LTF: variants seen among roughly 807,000 people sequenced by gnomAD.
LTF encodes the protein epididymis luminal protein 110.
Under a neutral mutation model 87.2 loss-of-function variants are expected in LTF, and 91 were observed. That is an observed-to-expected ratio of 1.04 (90% confidence interval 0.88 to 1.24). The LOEUF is 1.24. LTF is among the 50% of genes most tolerant of loss of function. The pLI, the probability that LTF is intolerant of heterozygous loss-of-function variation, is 0.00. For synonymous variants in LTF, 378 were observed against 356.1 expected, an observed-to-expected ratio of 1.06 and a Z score of -0.69; for missense variants, 901 against 904.3, an observed-to-expected ratio of 1.00 and a Z score of 0.05.
chr3:46,482,779 AAAAG>A (rs1201431682), intron 1 of LTF, among the ~76,000 whole-genome samples: 63 of 137,146 alleles, frequency 4.6e-4, no homozygotes, highest in Middle Eastern at 3.7e-3. Flanking sequence ...GAAAGAAAGA[AAAAG>A]AAAGAAAGAA....
chr3:46,477,567 C>A (rs1390751821), intron 1 of LTF, among the ~76,000 whole-genome samples: 1 of 152,204 alleles, frequency 6.6e-6, no homozygotes, highest in Non-Finnish European at 1.5e-5. Context: ...GCTTCAGTGT[C>A]CCCATGTGAA....
chr3:46,449,505 C>G (rs1019758014), intron 8 of LTF, among the ~76,000 whole-genome samples: 2 of 152,208 alleles, frequency 1.3e-5, no homozygotes, highest in Non-Finnish European at 2.9e-5. Flanking sequence ...CATGGTGTCC[C>G]CAACTAAGTT....
Position 46,459,718 on chromosome 3 carries a change from G to A in LTF, c.145C>T (p.Arg49Cys), listed in dbSNP as rs776865450. 54 of 1,579,214 alleles carry A rather than the reference G, an allele frequency of 3.4e-5. No homozygotes were observed. The highest frequency in any genetic ancestry group is 7.0e-5 in the African/African-American group (5 of 71,926). The change falls in exon 2 of 17, where the codon CGT becomes TGT. Residue 49 changes from arginine (R) to cysteine (C), a missense_variant. Arg to Cys is a radical substitution (Grantham distance 180, BLOSUM62 -3). Coordinates refer to ENST00000231751, the MANE Select transcript of LTF (RefSeq NM_002343.6). ...TTTATGCAGCTGACAGGAGGGCCAC[G>A]CACTTTTCTCATATTCCTTTGCCAT... Reference protein sequence around the residue: ...FQWQRNMRKVRGPPVSCIKRD... With the variant: ...FQWQRNMRKVCGPPVSCIKRD...
chr3:46,471,569 G>A (rs1416717125), intron 1 of LTF, among the ~76,000 whole-genome samples: 2 of 152,208 alleles, frequency 1.3e-5, no homozygotes, highest in Admixed American at 6.5e-5. Context: ...CCTCAGGGCT[G>A]TTGACCAGGT....
rs2230894 is a variant in LTF, at chr3:46,448,983, G to T, written c.1092C>A (p.Val364=). ...EEEVAARRAR[V]VWCAVGEQEL... Reference sequence around the variant, plus strand: ...CCTGCTCGCCCACCGCACACCACACGACCCGCGCACGCCGGGCAGCCACTT... The same window carrying T: ...CCTGCTCGCCCACCGCACACCACACTACCCGCGCACGCCGGGCAGCCACTT... The change falls in exon 9 of 17, where the codon GTC becomes GTA. Residue 364 remains valine, a synonymous_variant. Coordinates refer to ENST00000231751, the MANE Select transcript of LTF (RefSeq NM_002343.6). 1.2e-6 allele frequency: 2 copies of T among 1,611,974 alleles called. No homozygotes were observed. The highest frequency in any genetic ancestry group is 8.5e-7 in the Non-Finnish European group (1 of 1,179,314).
intron 1 of LTF, chr3:46,470,489 A>T (rs1207270011): frequency 1.3e-5 from 2 of 152,288 alleles, no homozygotes; most frequent in Non-Finnish European, 2.9e-5. Flanking sequence ...GATCAGCTGG[A>T]TCCTTCACTC....
intron 1 of LTF, among the ~76,000 whole-genome samples, chr3:46,477,387 A>G (rs1253482424): frequency 6.6e-6 from 1 of 152,206 alleles, no homozygotes; most frequent in African/African-American, 2.4e-5. Context: ...TCCCAAGGCC[A>G]CACCTGCATT....
At chr3:46,463,518 G>T in intron 1 of LTF, 1 of 985,548 alleles carries the variant, frequency 1.0e-6, no homozygotes, top group Non-Finnish European at 1.2e-6. Context: ...CCTTTCCTCA[G>T]GAAGGACAAG....
chr3:46,478,658 G>C (rs989587093), intron 1 of LTF, among the ~76,000 whole-genome samples: 2 of 152,214 alleles, frequency 1.3e-5, no homozygotes, highest in African/African-American at 4.8e-5. Flanking sequence ...CTGGCAGAAT[G>C]AGGAACTAGT....
At chr3:46,463,379 G>T in intron 1 of LTF, 1 of 850,900 alleles carries the variant, frequency 1.2e-6, no homozygotes, top group Non-Finnish European at 1.4e-6. Context: ...CATGGCTCCA[G>T]GGCTAAGCAG....
Position 46,454,293 on chromosome 3 carries a change from C to T in LTF, c.703+12G>A, listed in dbSNP as rs747646670. 3 of 1,613,638 alleles carry T rather than the reference C, an allele frequency of 1.9e-6. No homozygotes were observed. In the Admixed American group the frequency reaches 5.0e-5, roughly 27 times the overall value. On this transcript the variant is annotated intron_variant, in intron 6 of 16. Coordinates refer to ENST00000231751, the MANE Select transcript of LTF (RefSeq NM_002343.6). ...AGGGGTCAGTACCCACGGCTCATTA[C>T]CCTGCTCTTACCAAACACTGTGCTC...
chr3:46,448,992 A>G lies in LTF; in HGVS notation c.1083T>C (p.Arg361=), dbSNP rs1575312794. Reference sequence around the variant, plus strand: ...CCACCGCACACCACACGACCCGCGCACGCCGGGCAGCCACTTCCTCCTCAC... The same window carrying G: ...CCACCGCACACCACACGACCCGCGCGCGCCGGGCAGCCACTTCCTCCTCAC... ...RKSEEEVAAR[R]ARVVWCAVGE... is the part of the protein sequence containing the mutation. Residue 361 remains arginine (R), a synonymous_variant, in exon 9 of 17, where the codon CGT becomes CGC. Coordinates refer to ENST00000231751, the MANE Select transcript of LTF (RefSeq NM_002343.6). The G allele has an allele frequency of 6.2e-7, 1 of 1,610,474 alleles. No homozygotes were observed. The highest frequency in any genetic ancestry group is 8.5e-7 in the Non-Finnish European group (1 of 1,178,662).
rs553025524 is a variant in LTF, at chr3:46,459,745, G to A, written c.118C>T (p.Gln40Ter). The change falls in exon 2 of 17, where the codon CAA becomes TAA. Residue 40 changes from glutamine (Q) to a stop codon, truncating the protein, a stop_gained. Coordinates refer to ENST00000231751, the MANE Select transcript of LTF (RefSeq NM_002343.6). LOFTEE classifies it high-confidence loss of function. ...ACTTTTCTCATATTCCTTTGCCATTGGAAGCATTTTGTGGCCTCGGGTTGG... is the reference window on the plus strand; with the variant it reads ...ACTTTTCTCATATTCCTTTGCCATTAGAAGCATTTTGTGGCCTCGGGTTGG... ...VSQPEATKCF[Q>*]WQRNMRKVRG... 3.2e-6 allele frequency: 5 copies of A among 1,583,512 alleles called. No homozygotes were observed. In the African/African-American group the frequency reaches 4.2e-5, roughly 13 times the overall value.
chr3:46,462,868 A>ACCCGGCTTG (rs368154104), intron 1 of LTF, among the ~76,000 whole-genome samples: 18,413 of 151,910 alleles, frequency 0.12, 1,335 homozygotes, highest in Admixed American at 0.21. Context: ...GGAGAGAGTA[A>ACCCGGCTTG]AATGGAAGAC....
intron 9 of LTF, among the ~76,000 whole-genome samples, chr3:46,447,780 A>G (rs1433667174): frequency 6.6e-6 from 1 of 152,186 alleles, no homozygotes; most frequent in Non-Finnish European, 1.5e-5. Context: ...TCCAAGCGCT[A>G]CACAGAAGTT....
In LTF at chr3:46,463,694, G is replaced by A. The variant is rs1006033544; in HGVS notation, c.43+1131C>T. 5 of 979,266 alleles carry A rather than the reference G, an allele frequency of 5.1e-6. No individual in the cohort carries two copies. In the African/African-American group the frequency reaches 7.0e-5, roughly 14 times the overall value. 60.7% of individuals were successfully genotyped at this position (979,266 alleles called of 1,614,324 possible). On this transcript the variant is annotated intron_variant, in intron 1 of 16. Coordinates refer to ENST00000231751, the MANE Select transcript of LTF (RefSeq NM_002343.6). The stretch of plus-strand genomic sequence containing the variant: ...GACCACAGCCCATGACCACTTCCAG[G>A]AAGGCAAGGCTTCCTTCCTCTCCTG...
At chr3:46,477,184 T>C (rs1703369947) in intron 1 of LTF, among the ~76,000 whole-genome samples, 1 of 152,264 alleles carries the variant, frequency 6.6e-6, no homozygotes, top group Non-Finnish European at 1.5e-5. Flanking sequence ...TCTTTTTCAT[T>C]TCAGCCACTC....
chr3:46,442,498 G>GAAA (rs533327223), intron 13 of LTF, among the ~76,000 whole-genome samples: 2 of 137,862 alleles, frequency 1.5e-5, no homozygotes, highest in Non-Finnish European at 1.6e-5. Flanking sequence ...CTGCAGGTCT[G>GAAA]AAAAAAAAAA....
In LTF at chr3:46,478,500, A is replaced by T. The variant is rs551398991; in HGVS notation, c.-320+6486T>A. On this transcript the variant is annotated intron_variant, in intron 1 of 19. Transcript: ENST00000443496. Reference sequence around the variant, plus strand: ...GCAGGGTCCCTAGAGAGTGCCAGGGACCAAAGGGTGAGGCCAGGTCCACCC... The same window carrying T: ...GCAGGGTCCCTAGAGAGTGCCAGGGTCCAAAGGGTGAGGCCAGGTCCACCC... 5.9e-5 allele frequency among the ~76,000 whole-genome samples: 9 copies of T among 152,290 alleles called. No homozygotes were observed. The South Asian group carries it at 1.5e-3, about 25-fold the overall frequency.
Sources: gnomAD v4.1 joint callset for allele counts (sites outside exome capture counted in the v4.1 genomes callset) on GRCh38, gnomAD v4.1.1 for gene constraint, MANE v1.5 for transcripts, NCBI Gene and HGNC (gene_info 2026-07-23, HGNC 2026-07-21) for gene names.